ARHGAP26: variants seen among roughly 807,000 people sequenced by gnomAD.
The protein encoded by ARHGAP26 is rho GTPase-activating protein 26.
A neutral mutation model predicts 104.8 loss-of-function variants in ARHGAP26; 38 were observed. That is an observed-to-expected ratio of 0.36 (90% CI 0.28 to 0.48). The LOEUF (loss-of-function observed/expected upper bound fraction) is 0.48. Among genes scored for constraint, ARHGAP26 ranks in the 20% least tolerant of loss-of-function variants. The pLI is 0.99. For synonymous variants in ARHGAP26, 341 were observed against 340.0 expected (o/e 1.00, Z -0.03); for missense variants, 704 against 947.9 (o/e 0.74, Z 3.38).
intron 13 of ARHGAP26, chr5:143,041,398 T>A (rs246666): frequency 0.2 from 33,349 of 168,194 alleles, 6,425 homozygotes; most frequent in African/African-American, 0.52. Context: ...TTTTCATTTT[T>A]TGTGTAAAAA....
At chr5:143,003,372 G>T (rs1777465784) in intron 11 of ARHGAP26, among the ~76,000 whole-genome samples, 1 of 152,172 alleles carries the variant, frequency 6.6e-6, no homozygotes, top group South Asian at 2.1e-4. Context: ...GCTCATCAAG[G>T]TCATCATGAC....
chr5:143,127,816 G>A (rs1431180828), intron 18 of ARHGAP26, among the ~76,000 whole-genome samples: 5 of 152,130 alleles, frequency 3.3e-5, no homozygotes, highest in African/African-American at 4.8e-5. Flanking sequence ...TTTAGAAGTC[G>A]CATTTTATTT....
At chr5:143,008,395 A>G (rs1352081880) in intron 11 of ARHGAP26, among the ~76,000 whole-genome samples, 2 of 152,198 alleles carry the variant, frequency 1.3e-5, no homozygotes, top group Non-Finnish European at 2.9e-5. Flanking sequence ...TGGTGGACCC[A>G]CTTTGTCATG....
chr5:143,131,501 C>T (rs1285948361), intron 18 of ARHGAP26, among the ~76,000 whole-genome samples: 1 of 152,170 alleles, frequency 6.6e-6, no homozygotes, highest in South Asian at 2.1e-4. Flanking sequence ...TTCAAATGCT[C>T]TTAGCTAGGG....
At chr5:143,017,902 G>T (rs1779809578) in intron 12 of ARHGAP26, among the ~76,000 whole-genome samples, 1 of 152,190 alleles carries the variant, frequency 6.6e-6, no homozygotes, top group African/African-American at 2.4e-5. Context: ...CAAAGGCTAT[G>T]CATATACTTA....
chr5:142,881,297 C>T (rs544868601), intron 4 of ARHGAP26, among the ~76,000 whole-genome samples: 1 of 152,276 alleles, frequency 6.6e-6, no homozygotes, highest in East Asian at 1.9e-4. Flanking sequence ...TCTCTCTGGC[C>T]TCTTCTCTCA....
intron 20 of ARHGAP26, among the ~76,000 whole-genome samples, chr5:143,162,826 T>C (rs1349564324): frequency 6.6e-6 from 1 of 152,162 alleles, no homozygotes; most frequent in Non-Finnish European, 1.5e-5. Context: ...AAACACGCAT[T>C]GAATGCTTAG....
chr5:143,129,366 C>T (rs1283794040), intron 18 of ARHGAP26, among the ~76,000 whole-genome samples: 1 of 152,158 alleles, frequency 6.6e-6, no homozygotes, highest in Non-Finnish European at 1.5e-5. Flanking sequence ...CAGTCCTCAC[C>T]ACAGTCCTGG....
chr5:142,806,166 C>T (rs758111406), intron 1 of ARHGAP26, among the ~76,000 whole-genome samples: 1 of 152,216 alleles, frequency 6.6e-6, no homozygotes, highest in Non-Finnish European at 1.5e-5. Context: ...AAAGACGGCT[C>T]ACTGGAGCCT....
At chr5:143,212,729 G>A (rs1279959179) in intron 21 of ARHGAP26, among the ~76,000 whole-genome samples, 1 of 152,198 alleles carries the variant, frequency 6.6e-6, no homozygotes, top group East Asian at 1.9e-4. Flanking sequence ...AGACCATGTG[G>A]CTCACAAAGC....
chr5:143,158,421 G>A (rs1162987802), intron 20 of ARHGAP26, among the ~76,000 whole-genome samples: 1 of 152,168 alleles, frequency 6.6e-6, no homozygotes, highest in Non-Finnish European at 1.5e-5. Flanking sequence ...GTTGGGTGGA[G>A]CCAACTGGAA....
chr5:143,098,928 G>A lies in ARHGAP26; in HGVS notation c.1539-22060G>A, dbSNP rs138953318. 8.8e-3 allele frequency among the ~76,000 whole-genome samples: 1,332 copies of A among 152,170 alleles called. 24 individuals carry two copies. Among genetic ancestry groups the A allele is most frequent in the East Asian group, 0.078 (403 of 5,180 alleles). On this transcript the variant is annotated intron_variant, in intron 17 of 22. Coordinates refer to ENST00000645722, the MANE Select transcript of ARHGAP26 (RefSeq NM_001135608.3). The stretch of plus-strand genomic sequence containing the variant: ...TGAAAGTATAGTATAGAATAAACAC[G>A]TCAAAGGTCTATGAGGCTACCAGTA...
At chr5:143,175,582 G>T (rs1197482609) in intron 20 of ARHGAP26, among the ~76,000 whole-genome samples, 2 of 151,854 alleles carry the variant, frequency 1.3e-5, no homozygotes, top group Admixed American at 1.3e-4. Flanking sequence ...AAATGTAAGA[G>T]ATTTCTAATA....
At chr5:142,869,749 A>G (rs1406248904) in intron 1 of ARHGAP26, among the ~76,000 whole-genome samples, 1 of 152,234 alleles carries the variant, frequency 6.6e-6, no homozygotes, top group Non-Finnish European at 1.5e-5. Flanking sequence ...TTAAAAAATT[A>G]TGGTAAACCT....
At chr5:142,812,647 C>T (rs1764330428) in intron 1 of ARHGAP26, among the ~76,000 whole-genome samples, 1 of 152,032 alleles carries the variant, frequency 6.6e-6, no homozygotes, top group African/African-American at 2.4e-5. Context: ...TTCAATCCTC[C>T]CTCTTCTGCC....
intron 20 of ARHGAP26, chr5:143,165,363 T>C (rs1180900530): frequency 6.6e-6 from 1 of 152,138 alleles, no homozygotes; most frequent in Non-Finnish European, 1.5e-5. Context: ...GGAACAGAAA[T>C]ATCTAAAAGG....
At chr5:142,773,065 A>G (rs1283142068) in intron 1 of ARHGAP26, among the ~76,000 whole-genome samples, 1 of 151,952 alleles carries the variant, frequency 6.6e-6, no homozygotes, top group Non-Finnish European at 1.5e-5. Flanking sequence ...ACTACTAACT[A>G]CTACTTGATC....
intron 1 of ARHGAP26, among the ~76,000 whole-genome samples, chr5:142,845,921 CT>C (rs1293577079): frequency 6.6e-6 from 1 of 152,186 alleles, no homozygotes; most frequent in Non-Finnish European, 1.5e-5. Context: ...ATTTCCCTGC[CT>C]GCATTTTCTC....
chr5:143,074,164 C>T, intron 17 of ARHGAP26, among the ~76,000 whole-genome samples: 1 of 151,788 alleles, frequency 6.6e-6, no homozygotes. Context: ...TTCTGACTTC[C>T]TTAGACATTA....
Sources: gnomAD v4.1 joint callset for allele counts (sites outside exome capture counted in the v4.1 genomes callset) on GRCh38, gnomAD v4.1.1 for gene constraint, MANE v1.5 for transcripts, NCBI Gene and HGNC (gene_info 2026-07-23, HGNC 2026-07-21) for gene names.